The following BORCS5 variants were observed in gnomAD, a reference collection of about 807,000 sequenced individuals.
The protein encoded by BORCS5 is BLOC-1 related complex subunit 5.
BORCS5 carries 17 observed loss-of-function variants against 22.1 expected under a neutral mutation model. The observed-to-expected ratio is 0.77, with a 90% CI of 0.53 to 1.15. The LOEUF is 1.15. BORCS5 is among the 50% of genes most tolerant of loss of function. BORCS5 has a pLI of 0.00. For missense variants in BORCS5, 247 were observed against 253.2 expected, an observed-to-expected ratio of 0.98 and a Z score of 0.17; for synonymous variants, 117 against 99.8, an observed-to-expected ratio of 1.17 and a Z score of -1.03.
rs1592044958 is a variant in BORCS5 at position 12,357,524 on chromosome 12, C to T, written c.58+15C>T. 1.9e-6 allele frequency: 3 copies of T among 1,601,610 alleles called. No homozygotes were observed. The highest frequency in any genetic ancestry group is 2.7e-5 in the African/African-American group (2 of 74,486). On this transcript the variant is annotated intron_variant, in intron 1 of 3. Transcript: ENST00000314565. ...GAACTCCTCAGGTCGGTGTCCTAAC[C>T]TCCCACCCTCCTCCAGCCCGCCCTG...
intron 2 of BORCS5, among the ~76,000 whole-genome samples, chr12:12,371,840 A>G (rs1053031394): frequency 1.3e-5 from 2 of 151,692 alleles, no homozygotes; most frequent in African/African-American, 4.8e-5. Flanking sequence ...ACTTTGGATA[A>G]TTTTTACTGC....
At position 12,383,796 on chromosome 12, in the gene BORCS5, A is replaced by G. The variant is rs575720440; in HGVS notation, c.202+22447A>G. 1.6e-4 allele frequency among the ~76,000 whole-genome samples: 24 copies of G among 149,058 alleles called. 1 individual carries two copies. In the South Asian group the frequency reaches 4.9e-3, roughly 30 times the overall value. On this transcript the variant is annotated intron_variant, in intron 2 of 3. Coordinates refer to ENST00000314565, the MANE Select transcript of BORCS5 (RefSeq NM_058169.6). Reference sequence around the variant, plus strand: ...TAGTTTGTGATAAGTCCAAGTTTTGATCTCTTTGTATTTATCCTACTTGGG... The same window carrying G: ...TAGTTTGTGATAAGTCCAAGTTTTGGTCTCTTTGTATTTATCCTACTTGGG...
chr12:12,438,636 T>C (rs774073346), intron 3 of BORCS5, among the ~76,000 whole-genome samples: 31 of 152,094 alleles, frequency 2.0e-4, no homozygotes, highest in Non-Finnish European at 3.5e-4. Flanking sequence ...TTTACACATA[T>C]ACTGAAGAAG....
intron 2 of BORCS5, among the ~76,000 whole-genome samples, chr12:12,420,707 C>T (rs1303053219): frequency 6.6e-6 from 1 of 152,010 alleles, no homozygotes; most frequent in Non-Finnish European, 1.5e-5. Context: ...TGTTTGTGTC[C>T]TCTTTTATCT....
intron 1 of BORCS5, among the ~76,000 whole-genome samples, chr12:12,360,165 C>T (rs1863247399): frequency 6.6e-6 from 1 of 152,046 alleles, no homozygotes; most frequent in Admixed American, 6.6e-5. Flanking sequence ...AGTTCGAGAC[C>T]AGCCTGGCCA....
chr12:12,393,491 A>C (rs572094068), intron 2 of BORCS5, among the ~76,000 whole-genome samples: 2 of 152,024 alleles, frequency 1.3e-5, no homozygotes, highest in East Asian at 3.9e-4. Context: ...ATCTAAATGC[A>C]GGACTTTACA....
At chr12:12,414,372 T>C (rs1390285025) in intron 2 of BORCS5, among the ~76,000 whole-genome samples, 5 of 62,990 alleles carry the variant, frequency 7.9e-5, no homozygotes, top group Admixed American at 1.7e-4. Flanking sequence ...GGGTGGCTGG[T>C]CAGGCGGGGG....
At chr12:12,366,958 T>C (rs1288908407) in intron 2 of BORCS5, among the ~76,000 whole-genome samples, 1 of 152,210 alleles carries the variant, frequency 6.6e-6, no homozygotes, top group Non-Finnish European at 1.5e-5. Flanking sequence ...ATAACAAGGA[T>C]GATCAAACAT....
intron 3 of BORCS5, chr12:12,452,401 T>C (rs1942927696): frequency 1.7e-6 from 1 of 574,734 alleles, no homozygotes; most frequent in Non-Finnish European, 3.4e-6. Flanking sequence ...ATTTGTCTAA[T>C]GTTTCCACAA....
Position 12,357,146 on chromosome 12 carries a change from CCGCAGGT to C in BORCS5, c.-305_-299del. 2.6e-6 allele frequency: 4 copies of C among 1,533,248 alleles called. No individual in the cohort carries two copies. The highest frequency in any genetic ancestry group is 2.4e-5 in the South Asian group (2 of 83,924). 95.0% of individuals were successfully genotyped at this position (1,533,248 alleles called of 1,614,324 possible). ...GAGTGAAAGCGGCGCCGCCCGCCGG[CCGCAGGT>C]GCGGCAAAGCCAGTGTCATCTGCCG... is the stretch of plus-strand genomic sequence containing the variant. On this transcript the variant is annotated 5_prime_UTR_variant, in exon 1 of 4. Coordinates refer to ENST00000314565, the MANE Select transcript of BORCS5 (RefSeq NM_058169.6).
Position 12,435,786 on chromosome 12 carries a change from G to A in BORCS5, c.360+1G>A. On this transcript the variant is annotated splice_donor_variant, in intron 3 of 3. Transcript: ENST00000314565. LOFTEE classifies it high-confidence loss of function. ...TGCTTTGGTTAAACGAATCAAAGAGGTAATGTGCTGCGGGAAAATAACATT... is the reference window on the plus strand; with the variant it reads ...TGCTTTGGTTAAACGAATCAAAGAGATAATGTGCTGCGGGAAAATAACATT... 6.2e-7 allele frequency: 1 copy of A among 1,607,922 alleles called. No individual in the cohort carries two copies. The highest frequency in any genetic ancestry group is 8.5e-7 in the Non-Finnish European group (1 of 1,176,464).
chr12:12,425,219 A>G (rs1462337497), intron 2 of BORCS5, among the ~76,000 whole-genome samples: 1 of 152,232 alleles, frequency 6.6e-6, no homozygotes, highest in African/African-American at 2.4e-5. Flanking sequence ...GACAGCTGAA[A>G]TAGACTGAAA....
At chr12:12,395,435 A>ATTTTTTTTTTT (rs59277387) in intron 2 of BORCS5, among the ~76,000 whole-genome samples, 118 of 107,832 alleles carry the variant, frequency 1.1e-3, no homozygotes, top group Non-Finnish European at 1.6e-3. Flanking sequence ...CACCCAGCTA[A>ATTTTTTTTTTT]TTTTTTTTTT....
At chr12:12,429,858 C>T (rs1279364866) in intron 2 of BORCS5, among the ~76,000 whole-genome samples, 1 of 152,138 alleles carries the variant, frequency 6.6e-6, no homozygotes. Context: ...TCTGAAGCAC[C>T]GGAGAGCTTC....
chr12:12,382,509 C>A (rs139049777), intron 2 of BORCS5, among the ~76,000 whole-genome samples: 23 of 148,358 alleles, frequency 1.6e-4, no homozygotes, highest in Middle Eastern at 3.5e-3. Context: ...TTCTGTCTTT[C>A]TTATGGTTCT....
At position 12,456,054 on chromosome 12, in the gene BORCS5, G is replaced by A. The variant is rs558284487; in HGVS notation, c.361-9492G>A. 1.6e-4 allele frequency among the ~76,000 whole-genome samples: 24 copies of A among 152,280 alleles called. No homozygotes were observed. The South Asian group carries it at 4.4e-3, about 28-fold the overall frequency. On this transcript the variant is annotated intron_variant, in intron 3 of 3. Transcript: ENST00000314565. Reference sequence around the variant, plus strand: ...ATCTTTATGAAGTTCTTACTGTTATGTTGCACATCTTTTCTAACTTAAAAT... The same window carrying A: ...ATCTTTATGAAGTTCTTACTGTTATATTGCACATCTTTTCTAACTTAAAAT...
chr12:12,363,017 A>G (rs1224498926), intron 2 of BORCS5, among the ~76,000 whole-genome samples: 1 of 151,944 alleles, frequency 6.6e-6, no homozygotes, highest in Non-Finnish European at 1.5e-5. Flanking sequence ...TAACAATAGT[A>G]GGGCATGGTG....
chr12:12,409,103 T>G (rs745389393), intron 2 of BORCS5, among the ~76,000 whole-genome samples: 1 of 141,242 alleles, frequency 7.1e-6, no homozygotes, highest in African/African-American at 2.6e-5. Context: ...TTTTTTTTTG[T>G]TTGTTTTTGA....
chr12:12,423,806 A>C (rs937747453), intron 2 of BORCS5, among the ~76,000 whole-genome samples: 2 of 152,082 alleles, frequency 1.3e-5, no homozygotes. Flanking sequence ...CTCCTGCCTT[A>C]GCCTCCCAAG....
Sources: allele counts gnomAD v4.1 joint callset (sites outside exome capture counted in the v4.1 genomes callset), GRCh38; gene constraint gnomAD v4.1.1; transcripts MANE v1.5; gene names NCBI Gene and HGNC (gene_info 2026-07-23, HGNC 2026-07-21).